Variants in SEMA3E observed in about 807,000 individuals in gnomAD.
The protein encoded by SEMA3E is semaphorin 3E, also known as semaphorin-3E.
Under a neutral mutation model 93.6 loss-of-function variants are expected in SEMA3E, and 49 were observed. The ratio of observed to expected loss-of-function variants is 0.52; its 90% CI spans 0.42 to 0.66. The LOEUF is 0.66. Among genes scored for constraint, SEMA3E ranks in the 30% least tolerant of loss-of-function variants. The probability of loss-of-function intolerance (pLI) is 0.00; values close to 1 mark genes in which losing one functional copy is unlikely to be tolerated. For missense variants in SEMA3E, 906 were observed against 964.8 expected (o/e 0.94, Z 0.81); for synonymous variants, 363 against 330.7 (o/e 1.10, Z -1.06).
At chr7:83,487,172 A>G (rs778414256) in intron 2 of SEMA3E, among the ~76,000 whole-genome samples, 29 of 152,062 alleles carry the variant, frequency 1.9e-4, no homozygotes, top group Admixed American at 3.9e-4. Context: ...AGGTGATTCA[A>G]TTTCCCCTGC....
At position 83,385,393 on chromosome 7, in the gene SEMA3E, G is replaced by T; in HGVS notation, c.1776C>A (p.Gly592=). 1 of 1,613,380 alleles carries T rather than the reference G, an allele frequency of 6.2e-7. No homozygotes were observed. The highest frequency in any genetic ancestry group is 2.2e-5 in the East Asian group (1 of 44,840). Residue 592 remains glycine (G), a synonymous_variant, in exon 16 of 17, where the codon GGC becomes GGA. Coordinates refer to ENST00000643230, the MANE Select transcript of SEMA3E (RefSeq NM_012431.3). ...LDKTEEHLAY[G]IENNSTLLEC... Reference sequence around the variant, plus strand: ...CCAGCAAAGTACTGTTGTTCTCTATGCCATAAGCCAGATGTTCTTCAGTCT... The same window carrying T: ...CCAGCAAAGTACTGTTGTTCTCTATTCCATAAGCCAGATGTTCTTCAGTCT...
chr7:83,490,722 A>G (rs112734776), intron 1 of SEMA3E, among the ~76,000 whole-genome samples: 3,283 of 152,088 alleles, frequency 0.022, 121 homozygotes, highest in African/African-American at 0.076. Flanking sequence ...CAGTCTGCAA[A>G]CTCTCAGTGT....
At chr7:83,416,169 G>A (rs996668912) in intron 5 of SEMA3E, among the ~76,000 whole-genome samples, 1 of 152,090 alleles carries the variant, frequency 6.6e-6, no homozygotes, top group African/African-American at 2.4e-5. Context: ...ACTTTGGGAT[G>A]AAAGTGAGTG....
At chr7:83,523,149 T>C (rs1158911810) in intron 1 of SEMA3E, among the ~76,000 whole-genome samples, 1 of 152,096 alleles carries the variant, frequency 6.6e-6, no homozygotes, top group Admixed American at 6.6e-5. Context: ...GAGATTCATG[T>C]TCAGTGCAGG....
intron 3 of SEMA3E, among the ~76,000 whole-genome samples, chr7:83,468,247 T>G (rs886224397): frequency 1.3e-5 from 2 of 152,240 alleles, no homozygotes; most frequent in African/African-American, 4.8e-5. Flanking sequence ...CATGATATTT[T>G]ATTCTTTGGG....
intron 4 of SEMA3E, among the ~76,000 whole-genome samples, chr7:83,446,059 C>G (rs1402497137): frequency 6.6e-6 from 1 of 152,100 alleles, no homozygotes; most frequent in East Asian, 1.9e-4. Flanking sequence ...ACAAGCTACT[C>G]ATTAAAATGG....
At position 83,648,822 on chromosome 7, in the gene SEMA3E, C is replaced by A. The variant is rs1794115598; in HGVS notation, c.-280G>T. 1.0e-5 allele frequency: 4 copies of A among 397,574 alleles called. No individual in the cohort carries two copies. Among genetic ancestry groups the A allele is most frequent in the South Asian group, 7.3e-5 (2 of 27,482 alleles). 24.6% of individuals were successfully genotyped at this position (397,574 alleles called of 1,614,324 possible). ...TGTCTAGAGCGCTCTTCAGCAACTA[C>A]GCCGGTAGATTCAGGAAGAAGCTGT... On this transcript the variant is annotated 5_prime_UTR_variant, in exon 1 of 17. Transcript: ENST00000643230.
chr7:83,450,302 A>G (rs1789331114), intron 4 of SEMA3E, among the ~76,000 whole-genome samples: 1 of 152,214 alleles, frequency 6.6e-6, no homozygotes, highest in Non-Finnish European at 1.5e-5. Context: ...TAAGTTCACC[A>G]AAAGATATGG....
chr7:83,456,193 C>A (rs1455455222), intron 4 of SEMA3E, among the ~76,000 whole-genome samples: 1 of 152,202 alleles, frequency 6.6e-6, no homozygotes, highest in Admixed American at 6.5e-5. Context: ...AGTTCAAGGT[C>A]TTTGCCAATT....
chr7:83,563,521 GAA>G (rs1230666701), intron 1 of SEMA3E, among the ~76,000 whole-genome samples: 1 of 152,152 alleles, frequency 6.6e-6, no homozygotes, highest in African/African-American at 2.4e-5. Context: ...GGATTTATTA[GAA>G]ATGCAAGTTT....
chr7:83,427,179 T>TCTTC (rs893483767), intron 4 of SEMA3E, among the ~76,000 whole-genome samples: 6 of 152,008 alleles, frequency 3.9e-5, no homozygotes, highest in African/African-American at 9.7e-5. Context: ...GACTTTTCTT[T>TCTTC]CTTCCTTCCT....
chr7:83,474,153 C>G lies in SEMA3E; in HGVS notation c.277-4851G>C, dbSNP rs574094770. 2.7e-3 allele frequency among the ~76,000 whole-genome samples: 399 copies of G among 149,194 alleles called. 3 individuals carry two copies. The highest frequency in any genetic ancestry group is 9.2e-3 in the African/African-American group (371 of 40,540). On this transcript the variant is annotated intron_variant, in intron 2 of 16. Transcript: ENST00000643230. The stretch of plus-strand genomic sequence containing the variant: ...CGTATGCTTTTTCTTTTTCTTAAAG[C>G]CATGCCCCATAAAATATCAGATAAG...
chr7:83,620,800 C>T (rs1793539915), intron 1 of SEMA3E, among the ~76,000 whole-genome samples: 2 of 152,196 alleles, frequency 1.3e-5, no homozygotes, highest in South Asian at 2.1e-4. Flanking sequence ...AACATCTCTT[C>T]ACGTTAAAAA....
At chr7:83,599,573 C>G (rs561793173) in intron 1 of SEMA3E, among the ~76,000 whole-genome samples, 1 of 152,188 alleles carries the variant, frequency 6.6e-6, no homozygotes, top group African/African-American at 2.4e-5. Flanking sequence ...TAGTTATACT[C>G]AAGATGAATA....
At chr7:83,421,850 C>A (rs1388896521) in intron 4 of SEMA3E, among the ~76,000 whole-genome samples, 1 of 98,894 alleles carries the variant, frequency 1.0e-5, no homozygotes, top group African/African-American at 3.2e-5. Flanking sequence ...TTCACCCAAC[C>A]ACTACTACCA....
chr7:83,626,267 T>G (rs2115652671), intron 1 of SEMA3E, among the ~76,000 whole-genome samples: 1 of 152,270 alleles, frequency 6.6e-6, no homozygotes, highest in African/African-American at 2.4e-5. Context: ...TTTGGAATAG[T>G]TTTAGAAGGA....
chr7:83,593,283 TC>T (rs1792795060), intron 1 of SEMA3E, among the ~76,000 whole-genome samples: 1 of 97,184 alleles, frequency 1.0e-5, no homozygotes, highest in African/African-American at 7.8e-5. Flanking sequence ...TCTCTCTCTC[TC>T]TGTGTGTGTG....
chr7:83,600,486 A>ATTTTTTTTTTTTTTTTTTTTT (rs71522671), intron 1 of SEMA3E, among the ~76,000 whole-genome samples: 4 of 63,050 alleles, frequency 6.3e-5, no homozygotes, highest in Non-Finnish European at 1.2e-4. Context: ...CGCCCAGCTA[A>ATTTTTTTTTTTTTTTTTTTTT]TTTTTTTTTT....
intron 1 of SEMA3E, among the ~76,000 whole-genome samples, chr7:83,504,524 C>T (rs1032349369): frequency 2.0e-5 from 3 of 152,062 alleles, no homozygotes; most frequent in Non-Finnish European, 2.9e-5. Context: ...CCCCTGGGTA[C>T]GTGGGTTCTC....
Sources: gnomAD v4.1 joint callset for allele counts (sites outside exome capture counted in the v4.1 genomes callset) on GRCh38, gnomAD v4.1.1 for gene constraint, MANE v1.5 for transcripts, NCBI Gene and HGNC (gene_info 2026-07-23, HGNC 2026-07-21) for gene names.